MIPOL1: variants seen among roughly 807,000 people sequenced by gnomAD.
MIPOL1 encodes mirror-image polydactyly gene 1 protein.
Under a neutral mutation model 60.9 loss-of-function variants are expected in MIPOL1, and 57 were observed. That is an observed-to-expected ratio of 0.94 (90% CI 0.76 to 1.17). The LOEUF (loss-of-function observed/expected upper bound fraction) is 1.17. MIPOL1 is among the 50% of genes most tolerant of loss of function. MIPOL1 has a pLI of 0.00. For missense variants in MIPOL1, 551 were observed against 511.6 expected (o/e 1.08, Z -0.74); for synonymous variants, 179 against 168.8 (o/e 1.06, Z -0.47).
At chr14:37,354,818 G>T (rs1325706334) in intron 9 of MIPOL1, among the ~76,000 whole-genome samples, 1 of 101,232 alleles carries the variant, frequency 9.9e-6, no homozygotes, top group Non-Finnish European at 2.0e-5. Flanking sequence ...CGTGAGATGG[G>T]TTTCCTGAAT....
chr14:37,365,468 T>TATGGTTTTTGTCCTTCACTCTGTTG (rs2092439438), intron 9 of MIPOL1, among the ~76,000 whole-genome samples: 1 of 152,186 alleles, frequency 6.6e-6, no homozygotes, highest in African/African-American at 2.4e-5. Context: ...GAAATGATCA[T>TATGGTTTTTGTCCTTCACTCTGTTG]ATGGTTTTTG....
intron 3 of MIPOL1, among the ~76,000 whole-genome samples, chr14:37,264,564 G>C (rs2082734579): frequency 6.6e-6 from 1 of 151,976 alleles, no homozygotes; most frequent in Admixed American, 6.6e-5. Context: ...GGAGGTCAAG[G>C]CTGCAGCGAG....
intron 9 of MIPOL1, among the ~76,000 whole-genome samples, chr14:37,356,670 C>G (rs901453062): frequency 6.6e-6 from 1 of 152,180 alleles, no homozygotes; most frequent in Non-Finnish European, 1.5e-5. Context: ...ACCCGATTTT[C>G]CAGGTGCCGT....
chr14:37,215,497 A>T (rs1430661154), intron 1 of MIPOL1, among the ~76,000 whole-genome samples: 1 of 152,170 alleles, frequency 6.6e-6, no homozygotes, highest in Admixed American at 6.5e-5. Flanking sequence ...TACACAAAAA[A>T]ATAAAAAGCA....
At chr14:37,528,756 T>C (rs2095463009) in intron 12 of MIPOL1, among the ~76,000 whole-genome samples, 1 of 152,100 alleles carries the variant, frequency 6.6e-6, no homozygotes, top group African/African-American at 2.4e-5. Flanking sequence ...TTAAATATGC[T>C]TTTTTTATAA....
At chr14:37,535,375 CA>C (rs1400884097) in intron 12 of MIPOL1, among the ~76,000 whole-genome samples, 1 of 152,030 alleles carries the variant, frequency 6.6e-6, no homozygotes, top group African/African-American at 2.4e-5. Flanking sequence ...ACAATAAATC[CA>C]AGTTTCTTGC....
intron 7 of MIPOL1, among the ~76,000 whole-genome samples, chr14:37,306,959 CTATT>C (rs1445759834): frequency 2.6e-5 from 4 of 151,676 alleles, no homozygotes; most frequent in African/African-American, 9.7e-5. Context: ...TTAACTGATA[CTATT>C]TATGTCTAGA....
At chr14:37,521,608 G>A (rs987743817) in intron 12 of MIPOL1, among the ~76,000 whole-genome samples, 4 of 151,862 alleles carry the variant, frequency 2.6e-5, no homozygotes, top group African/African-American at 7.3e-5. Context: ...AAAAAATTAC[G>A]CTCTAAAACA....
intron 12 of MIPOL1, among the ~76,000 whole-genome samples, chr14:37,535,813 T>A (rs1463013930): frequency 6.6e-6 from 1 of 152,238 alleles, no homozygotes; most frequent in Non-Finnish European, 1.5e-5. Flanking sequence ...TCTTAGGAGC[T>A]AAATTAATTT....
rs1956516 is a variant in MIPOL1, at chr14:37,265,059, C to T, written c.20-1879C>T. ...AATACTGATTTTAGAAATTTTCTTC[C>T]GACTATAACATCTTGTCATTTCAAT... is the stretch of plus-strand genomic sequence containing the variant. On this transcript the variant is annotated intron_variant, in intron 3 of 12. Coordinates refer to ENST00000684589, the MANE Select transcript of MIPOL1 (RefSeq NM_001388067.1). The T allele has an allele frequency of 2.9e-3, 446 of 152,180 alleles. 4 individuals carry two copies. The highest frequency in any genetic ancestry group is 9.9e-3 in the African/African-American group (412 of 41,542). 9.4% of individuals were successfully genotyped at this position (152,180 alleles called of 1,614,324 possible).
chr14:37,222,813 T>C (rs1307058273), intron 1 of MIPOL1, among the ~76,000 whole-genome samples: 2 of 152,184 alleles, frequency 1.3e-5, no homozygotes, highest in African/African-American at 4.8e-5. Flanking sequence ...TTCTAGCCTG[T>C]TCCTCCAAAT....
At chr14:37,438,104 T>A (rs1046514336) in intron 11 of MIPOL1, among the ~76,000 whole-genome samples, 1 of 152,140 alleles carries the variant, frequency 6.6e-6, no homozygotes, top group African/African-American at 2.4e-5. Flanking sequence ...CCTTTTTGAT[T>A]AACAGTTTGT....
chr14:37,291,585 G>A (rs2085060082), intron 7 of MIPOL1, among the ~76,000 whole-genome samples: 1 of 152,008 alleles, frequency 6.6e-6, no homozygotes, highest in Non-Finnish European at 1.5e-5. Flanking sequence ...ACCGTGGGTA[G>A]GAAAATTTTC....
At chr14:37,474,363 C>G (rs924359511) in intron 11 of MIPOL1, among the ~76,000 whole-genome samples, 2 of 152,130 alleles carry the variant, frequency 1.3e-5, no homozygotes, top group African/African-American at 4.8e-5. Context: ...CCCGTAATCC[C>G]CATGTGTCGT....
chr14:37,400,464 G>A (rs2093461006), intron 10 of MIPOL1: 1 of 152,048 alleles, frequency 6.6e-6, no homozygotes, highest in Admixed American at 6.6e-5. Flanking sequence ...ATATATGATT[G>A]GTATTTGAAT....
chr14:37,356,006 T>A (rs1244605079), intron 9 of MIPOL1, among the ~76,000 whole-genome samples: 1 of 144,364 alleles, frequency 6.9e-6, no homozygotes, highest in Non-Finnish European at 1.5e-5. Flanking sequence ...TTTCCAGTTT[T>A]TCTGTTCTGT....
chr14:37,241,724 A>T (rs967640262), intron 1 of MIPOL1, among the ~76,000 whole-genome samples: 1 of 152,192 alleles, frequency 6.6e-6, no homozygotes, highest in Non-Finnish European at 1.5e-5. Flanking sequence ...GTAATAATAC[A>T]AAACAATTTA....
At chr14:37,208,132 G>A (rs115184834) in intron 1 of MIPOL1, among the ~76,000 whole-genome samples, 6 of 152,084 alleles carry the variant, frequency 3.9e-5, no homozygotes, top group Non-Finnish European at 8.8e-5. Context: ...TACTGTTTTG[G>A]ATGCATATAG....
chr14:37,441,210 T>C (rs896552620), intron 11 of MIPOL1, among the ~76,000 whole-genome samples: 4 of 152,160 alleles, frequency 2.6e-5, no homozygotes, highest in African/African-American at 9.7e-5. Flanking sequence ...TGTCAATTAT[T>C]TATTGTGTTG....
Sources: gnomAD v4.1 joint callset for allele counts (sites outside exome capture counted in the v4.1 genomes callset) on GRCh38, gnomAD v4.1.1 for gene constraint, MANE v1.5 for transcripts, NCBI Gene and HGNC (gene_info 2026-07-23, HGNC 2026-07-21) for gene names.